TDRD9: variants seen among roughly 807,000 people sequenced by gnomAD.
The protein encoded by TDRD9 is tudor domain containing 9, also known as ATP-dependent RNA helicase TDRD9.
TDRD9 carries 124 observed loss-of-function variants against 172.6 expected under a neutral mutation model. The observed-to-expected ratio is 0.72, with a 90% CI of 0.62 to 0.83. The LOEUF is 0.83. Ranked by LOEUF, TDRD9 falls within the 40% of genes least tolerant of loss-of-function variation. TDRD9 has a pLI of 0.00. For synonymous variants in TDRD9, 619 were observed against 617.1 expected, an observed-to-expected ratio of 1.00 and a Z score of -0.05; for missense variants, 1,479 against 1,714.1, an observed-to-expected ratio of 0.86 and a Z score of 2.42.
chr14:104,026,977 T>TGA (rs2035143545), intron 28 of TDRD9, 38 bp downstream of exon 28: 1 of 1,602,018 alleles, frequency 6.2e-7, no homozygotes, highest in African/African-American at 1.3e-5. Context: ...CGCGTTTGTG[T>TGA]GAGAGAGAAC....
intron 7 of TDRD9, among the ~76,000 whole-genome samples, chr14:103,983,125 G>A (rs924802853): frequency 1.4e-5 from 2 of 143,598 alleles, no homozygotes; most frequent in South Asian, 2.3e-4. Context: ...GTGCAGTGGC[G>A]CGATCTCAGC....
At chr14:104,022,492 C>T (rs118168613) in intron 24 of TDRD9, among the ~76,000 whole-genome samples, 162 bp downstream of exon 24, 7,041 of 152,190 alleles carry the variant, frequency 0.046, 225 homozygotes, top group Middle Eastern at 0.085. Context: ...TTTGCGAGGC[C>T]GAGGCAGGCA....
intron 32 of TDRD9, among the ~76,000 whole-genome samples, chr14:104,036,941 C>G (rs746643472): frequency 6.6e-6 from 1 of 151,802 alleles, no homozygotes; most frequent in Non-Finnish European, 1.5e-5. Flanking sequence ...CTGCCTGCCT[C>G]TGAGTAGTTG....
At chr14:104,035,083 CT>C in intron 32 of TDRD9, 27 bp downstream of exon 32, 1 of 1,532,524 alleles carries the variant, frequency 6.5e-7, no homozygotes, top group Non-Finnish European at 8.8e-7. Flanking sequence ...TGTCTATAGG[CT>C]TTGTAAAATA....
intron 23 of TDRD9, among the ~76,000 whole-genome samples, chr14:104,021,556 G>C (rs1479775168): frequency 6.6e-6 from 1 of 152,102 alleles, no homozygotes; most frequent in Non-Finnish European, 1.5e-5. Context: ...AGCTGGACGT[G>C]GTGGCACACG....
chr14:104,016,167 G>T, intron 22 of TDRD9, 79 bp downstream of exon 22: 1 of 1,008,058 alleles, frequency 9.9e-7, no homozygotes. Flanking sequence ...TTCTATTCTT[G>T]TGAGTCCTAA....
intron 1 of TDRD9, among the ~76,000 whole-genome samples, chr14:103,935,334 T>C (rs914181517): frequency 4.6e-5 from 7 of 152,136 alleles, no homozygotes; most frequent in Non-Finnish European, 8.8e-5. Context: ...ATTTGGGACA[T>C]GTTCTTAAGC....
chr14:103,955,562 A>T, intron 1 of TDRD9, 102 bp from the exon 2 acceptor site: 1 of 712,204 alleles, frequency 1.4e-6, no homozygotes, highest in Non-Finnish European at 2.2e-6. Context: ...TTTATTGACT[A>T]TTTGCATTTT....
chr14:103,972,908 A>T (rs2033093591), intron 6 of TDRD9, among the ~76,000 whole-genome samples: 1 of 152,194 alleles, frequency 6.6e-6, no homozygotes, highest in Admixed American at 6.5e-5. Context: ...CCTTTTTGGA[A>T]TCTTAACCAA....
At chr14:103,949,903 C>T (rs1210776747) in intron 1 of TDRD9, among the ~76,000 whole-genome samples, 4 of 151,848 alleles carry the variant, frequency 2.6e-5, no homozygotes, top group South Asian at 4.1e-4. Flanking sequence ...CTCGAACTCC[C>T]GACCTCAGGT....
chr14:103,996,777 C>T (rs1482650631), intron 12 of TDRD9, among the ~76,000 whole-genome samples: 2 of 152,120 alleles, frequency 1.3e-5, no homozygotes, highest in African/African-American at 4.8e-5. Flanking sequence ...GAGTAAGTTA[C>T]ATGATGGTGA....
At chr14:104,045,280 CA>C (rs1477468000) in intron 34 of TDRD9, among the ~76,000 whole-genome samples, 17 of 152,268 alleles carry the variant, frequency 1.1e-4, no homozygotes, top group African/African-American at 3.8e-4. Flanking sequence ...GTTGTTACTG[CA>C]GTCAGTCTGG....
At chr14:104,004,175 T>C in intron 13 of TDRD9, 63 bp from the exon 14 acceptor site, 1 of 747,212 alleles carries the variant, frequency 1.3e-6, no homozygotes, top group Non-Finnish European at 2.3e-6. Flanking sequence ...TTTAAAAAGA[T>C]ACCTTCATGC....
In TDRD9 at chr14:103,938,434, A is replaced by ATTT. The variant is rs1167863822; in HGVS notation, c.215+9711_215+9712insTTT. 3.6e-3 allele frequency among the ~76,000 whole-genome samples: 124 copies of ATTT among 34,886 alleles called. 1 individual carries two copies. The highest frequency in any genetic ancestry group is 3.8e-3 in the Non-Finnish European group (73 of 19,252). 22.9% of individuals were successfully genotyped at this position (34,886 alleles called of 152,430 possible). ...TGTGTGTATATATATATATATATAT[A>ATTT]TATATATTTTTTTTTTTTTTTTGAG... On this transcript the variant is annotated intron_variant, in intron 1 of 35. Coordinates refer to ENST00000409874, the MANE Select transcript of TDRD9 (RefSeq NM_153046.3).
chr14:104,051,317 A>G (rs999855339), intron 35 of TDRD9, among the ~76,000 whole-genome samples: 2 of 152,130 alleles, frequency 1.3e-5, no homozygotes, highest in Non-Finnish European at 2.9e-5. Context: ...ATTCCATGGT[A>G]TGTGTGTACC....
chr14:103,987,642 A>G (rs895849656), intron 8 of TDRD9, among the ~76,000 whole-genome samples: 2 of 152,032 alleles, frequency 1.3e-5, no homozygotes, highest in Admixed American at 1.3e-4. Context: ...GTTCTTTTAA[A>G]TTTATGGAGG....
At chr14:103,949,243 T>C (rs2031732775) in intron 1 of TDRD9, among the ~76,000 whole-genome samples, 1 of 152,236 alleles carries the variant, frequency 6.6e-6, no homozygotes, top group Admixed American at 6.5e-5. Flanking sequence ...CATTGAGAAG[T>C]CTTTCTGTGT....
Position 104,024,642 on chromosome 14 carries a change from A to G in TDRD9, c.2680A>G (p.Thr894Ala). Residue 894 changes from threonine (T) to alanine (A), a missense_variant, in exon 25 of 36, where the codon ACA (threonine) becomes GCA (alanine). Thr to Ala is a moderately conservative substitution (Grantham distance 58). Around this residue, in one of 3 missense-constraint regions of TDRD9, gnomAD observed 1,413 missense variants for 1,649.1 expected, o/e 0.86. Coordinates refer to ENST00000409874, the MANE Select transcript of TDRD9 (RefSeq NM_153046.3). The part of the protein sequence containing the change: ...VSFNTSDRSQ[T>A]VTDLLLTIDV... ...CTTTAACACATCAGACAGGTCCCAG[A>G]CAGTTACAGATCTCCTTCTAACTAT... The G allele has an allele frequency of 6.2e-7, 1 of 1,612,524 alleles. No individual in the cohort carries two copies. The highest frequency in any genetic ancestry group is 8.5e-7 in the Non-Finnish European group (1 of 1,178,806).
chr14:104,018,574 T>A (rs2034861910), intron 23 of TDRD9, among the ~76,000 whole-genome samples: 1 of 152,158 alleles, frequency 6.6e-6, no homozygotes, highest in Non-Finnish European at 1.5e-5. Context: ...CAAAATAGAG[T>A]GTATCTGCTT....
Sources: allele counts gnomAD v4.1 joint callset (sites outside exome capture counted in the v4.1 genomes callset), GRCh38; gene constraint gnomAD v4.1.1; regional missense constraint gnomAD v4.1.1; transcripts MANE v1.5; gene names NCBI Gene and HGNC (gene_info 2026-07-23, HGNC 2026-07-21).